The following CSMD1 variants were observed in gnomAD, a reference collection of about 807,000 sequenced individuals.
CSMD1 encodes the protein CUB and Sushi multiple domains 1.
A neutral mutation model predicts 417.5 loss-of-function variants in CSMD1; 213 were observed. The ratio of observed to expected loss-of-function variants is 0.51; its 90% CI spans 0.46 to 0.57. The LOEUF (loss-of-function observed/expected upper bound fraction) is 0.57, where lower values mean the gene tolerates loss of function less well. CSMD1 is among the 20% of genes least tolerant of loss of function. The pLI is 0.00. For missense variants in CSMD1, 6,923 were observed against 4,529.7 expected (o/e 1.53, Z -15.17); for synonymous variants, 2,862 against 1,736.8 (o/e 1.65, Z -16.11).
chr8:4,109,910 T>C (rs566125906), intron 3 of CSMD1, among the ~76,000 whole-genome samples: 17 of 152,222 alleles, frequency 1.1e-4, no homozygotes, highest in African/African-American at 3.1e-4. Flanking sequence ...TCCAGGCAAT[T>C]TGGGCACAGA....
chr8:3,046,375 T>C (rs1811445909), intron 50 of CSMD1, among the ~76,000 whole-genome samples: 1 of 152,160 alleles, frequency 6.6e-6, no homozygotes, highest in South Asian at 2.1e-4. Flanking sequence ...CTCCGGTTCC[T>C]TCCACCCTAC....
chr8:3,263,373 A>T (rs990805199), intron 26 of CSMD1, among the ~76,000 whole-genome samples: 1 of 152,220 alleles, frequency 6.6e-6, no homozygotes, highest in Admixed American at 6.5e-5. Context: ...TGCTGGAATT[A>T]CAGGCATGAG....
intron 26 of CSMD1, among the ~76,000 whole-genome samples, chr8:3,262,224 TATATATACAC>T (rs1801131931): frequency 8.7e-6 from 1 of 114,356 alleles, no homozygotes; most frequent in Admixed American, 8.8e-5. Flanking sequence ...TATATATATA[TATATATACAC>T]ACACATAGTT....
At chr8:4,758,737 C>T (rs1165289973) in intron 1 of CSMD1, among the ~76,000 whole-genome samples, 5 of 152,148 alleles carry the variant, frequency 3.3e-5, no homozygotes, top group African/African-American at 1.2e-4. Flanking sequence ...GGGGAAACTG[C>T]CATTAATGAA....
At chr8:4,412,038 T>G (rs974869551) in intron 3 of CSMD1, among the ~76,000 whole-genome samples, 2 of 151,866 alleles carry the variant, frequency 1.3e-5, no homozygotes, top group African/African-American at 4.8e-5. Flanking sequence ...AATGATTAGC[T>G]AAATATCTCA....
chr8:4,084,004 A>C (rs2130823285), intron 3 of CSMD1, among the ~76,000 whole-genome samples: 1 of 152,270 alleles, frequency 6.6e-6, no homozygotes, highest in Middle Eastern at 3.4e-3. Context: ...CAAGAAAAAA[A>C]CAAACAACCC....
At chr8:4,575,476 C>G (rs536970405) in intron 2 of CSMD1, among the ~76,000 whole-genome samples, 1 of 152,138 alleles carries the variant, frequency 6.6e-6, no homozygotes, top group East Asian at 1.9e-4. Flanking sequence ...TGAACGTTAT[C>G]TGAAGAAAAG....
chr8:3,927,594 G>A (rs979628424), intron 5 of CSMD1, among the ~76,000 whole-genome samples: 1 of 149,604 alleles, frequency 6.7e-6, no homozygotes, highest in Non-Finnish European at 1.5e-5. Flanking sequence ...GAAACTGGAA[G>A]GCGGAGGTTG....
At chr8:3,101,423 G>A (rs76332192) in intron 46 of CSMD1, among the ~76,000 whole-genome samples, 4,031 of 152,134 alleles carry the variant, frequency 0.026, 133 homozygotes, top group East Asian at 0.17. Context: ...TCCATATAAG[G>A]CTGACTACTT....
chr8:3,898,993 T>C (rs948845723), intron 5 of CSMD1, among the ~76,000 whole-genome samples: 1 of 152,034 alleles, frequency 6.6e-6, no homozygotes, highest in Non-Finnish European at 1.5e-5. Flanking sequence ...CATATTTCAG[T>C]GCTAAAATAT....
chr8:3,997,851 A>T lies in CSMD1; in HGVS notation c.818+52T>A, dbSNP rs776576169. The T allele has an allele frequency of 3.5e-3, 5,229 of 1,514,512 alleles. 20 individuals carry two copies. The highest frequency in any genetic ancestry group is 4.3e-3 in the Non-Finnish European group (4,792 of 1,107,472). 93.8% of individuals were successfully genotyped at this position (1,514,512 alleles called of 1,614,324 possible). A position where few individuals can be genotyped will look rare whatever the true frequency, so the allele number is the denominator to read the frequency against. ...AATTCTTGAAGCTCGTTGGGGGAAAAAACGGGGAAAACACACCTGTATCCT... is the reference window on the plus strand; with the variant it reads ...AATTCTTGAAGCTCGTTGGGGGAAATAACGGGGAAAACACACCTGTATCCT... On this transcript the variant is annotated intron_variant, in intron 5 of 69. Coordinates refer to ENST00000635120, the MANE Select transcript of CSMD1 (RefSeq NM_033225.6).
Position 4,229,694 on chromosome 8 carries a change from G to A in CSMD1, c.415+190259C>T, listed in dbSNP as rs149091638. The stretch of plus-strand genomic sequence containing the variant: ...GTTCGTTCTCACCATCTGATGTACA[G>A]CCTCAGCCCCTTCCTCTTGCTTGAC... On this transcript the variant is annotated intron_variant, in intron 3 of 69. Coordinates refer to ENST00000635120, the MANE Select transcript of CSMD1 (RefSeq NM_033225.6). Among the ~76,000 whole-genome samples, 193 of 152,206 alleles carry A rather than the reference G, an allele frequency of 1.3e-3. 1 individual carries two copies. Among genetic ancestry groups the A allele is most frequent in the African/African-American group, 4.5e-3 (188 of 41,512 alleles).
intron 41 of CSMD1, among the ~76,000 whole-genome samples, chr8:3,137,673 T>C (rs906176489): frequency 6.6e-6 from 1 of 152,250 alleles, no homozygotes; most frequent in Non-Finnish European, 1.5e-5. Context: ...TTTCTTATAA[T>C]ACTGAACACA....
intron 7 of CSMD1, among the ~76,000 whole-genome samples, chr8:3,660,057 C>T (rs993734047): frequency 3.3e-5 from 5 of 152,124 alleles, no homozygotes; most frequent in South Asian, 2.1e-4. Flanking sequence ...TTCAGCAACA[C>T]GCTATGAAGT....
chr8:3,076,946 T>C (rs1369185038), intron 49 of CSMD1, among the ~76,000 whole-genome samples: 1 of 152,180 alleles, frequency 6.6e-6, no homozygotes, highest in African/African-American at 2.4e-5. Flanking sequence ...ACTCATCACC[T>C]GAGTAGCGAA....
chr8:3,997,091 A>G (rs1185209527), intron 5 of CSMD1, among the ~76,000 whole-genome samples: 6 of 152,246 alleles, frequency 3.9e-5, no homozygotes, highest in Non-Finnish European at 7.3e-5. Context: ...TCATATTTCA[A>G]GATCTAAAAC....
chr8:4,528,272 T>A (rs1796621435), intron 2 of CSMD1, among the ~76,000 whole-genome samples: 2 of 152,128 alleles, frequency 1.3e-5, no homozygotes, highest in Admixed American at 1.3e-4. Flanking sequence ...GTCCAATTAA[T>A]CCCTACCTCT....
intron 54 of CSMD1, among the ~76,000 whole-genome samples, chr8:2,993,349 C>T (rs550626791): frequency 6.6e-6 from 1 of 152,178 alleles, no homozygotes; most frequent in Non-Finnish European, 1.5e-5. Context: ...ATATTTTCCT[C>T]CTTCAATGCA....
At chr8:4,920,007 C>T (rs1232393181) in intron 1 of CSMD1, among the ~76,000 whole-genome samples, 1 of 152,120 alleles carries the variant, frequency 6.6e-6, no homozygotes, top group Non-Finnish European at 1.5e-5. Flanking sequence ...TTTCTGTTCT[C>T]TATCAGTTAG....
Sources: allele counts gnomAD v4.1 joint callset (sites outside exome capture counted in the v4.1 genomes callset), GRCh38; gene constraint gnomAD v4.1.1; transcripts MANE v1.5; gene names NCBI Gene and HGNC (gene_info 2026-07-23, HGNC 2026-07-21).